The following PCDHGA4 variants were observed in gnomAD, a reference collection of about 807,000 sequenced individuals.
PCDHGA4 encodes the protein protocadherin gamma subfamily A, 4.
A neutral mutation model predicts 54.6 loss-of-function variants in PCDHGA4; 38 were observed. The ratio of observed to expected loss-of-function variants is 0.70; its 90% CI spans 0.54 to 0.91. PCDHGA4 has a LOEUF of 0.91. Among genes scored for constraint, PCDHGA4 ranks in the 40% least tolerant of loss-of-function variants. The pLI is 0.00. For synonymous variants in PCDHGA4, 511 were observed against 512.9 expected, an observed-to-expected ratio of 1.00 and a Z score of 0.05; for missense variants, 1,298 against 1,220.9, an observed-to-expected ratio of 1.06 and a Z score of -0.94.
chr5:141,407,200 G>A (rs1054595818), intron 1 of PCDHGA4, among the ~76,000 whole-genome samples: 2 of 152,228 alleles, frequency 1.3e-5, no homozygotes, highest in East Asian at 1.9e-4. Context: ...TTTCAAACAC[G>A]TTTTCCCCCT....
intron 1 of PCDHGA4, chr5:141,366,644 C>T (rs759831298): frequency 1.2e-6 from 2 of 1,614,268 alleles, no homozygotes; most frequent in East Asian, 2.2e-5. Flanking sequence ...GATCTTTCCC[C>T]AGCCCAACTA....
intron 1 of PCDHGA4, chr5:141,428,335 T>G (rs535486665): frequency 3.3e-6 from 2 of 615,106 alleles, no homozygotes; most frequent in East Asian, 5.9e-5. Context: ...TTCTATGCTC[T>G]TCTTCCTCGC....
At chr5:141,394,306 G>T in intron 1 of PCDHGA4, 1 of 1,613,958 alleles carries the variant, frequency 6.2e-7, no homozygotes, top group Non-Finnish European at 8.5e-7. Context: ...ACGCTGCAGG[G>T]GGCGCCCCTG....
At chr5:141,427,228 T>C (rs2097002884) in intron 1 of PCDHGA4, 1 of 456,550 alleles carries the variant, frequency 2.2e-6, no homozygotes, top group South Asian at 1.5e-5. Context: ...AGTTATACCA[T>C]GAGAGTAGAA....
chr5:141,374,504 A>G (rs370470847), intron 1 of PCDHGA4: 1 of 1,611,510 alleles, frequency 6.2e-7, no homozygotes, highest in African/African-American at 1.3e-5. Context: ...ATTGGAAGTG[A>G]AAATTCTCGA....
intron 1 of PCDHGA4, among the ~76,000 whole-genome samples, chr5:141,369,773 T>G: frequency 6.6e-6 from 1 of 152,236 alleles, no homozygotes; most frequent in African/African-American, 2.4e-5. Flanking sequence ...AGCTGATATT[T>G]CAAGCCTCTT....
chr5:141,431,973 TC>T lies in PCDHGA4; in HGVS notation c.2515-62833del, dbSNP rs770294598. 13 of 1,614,100 alleles carry T rather than the reference TC, an allele frequency of 8.1e-6. No individual in the cohort carries two copies. The highest frequency in any genetic ancestry group is 1.0e-5 in the Non-Finnish European group (12 of 1,180,038). On this transcript the variant is annotated intron_variant, in intron 1 of 3. Transcript: ENST00000571252. This position sits in a 1 kb window ranked among gnomAD's most constrained non-coding sequence, Gnocchi z 4.8. ...TCTTACGGAAATTACTATAGTTTAG[TC>T]ACAGACATAGTCTTGGATAGGGAAC...
chr5:141,505,625 C>T, intron 3 of PCDHGA4, 144 bp downstream of exon 3: 1 of 1,489,114 alleles, frequency 6.7e-7, no homozygotes, highest in Non-Finnish European at 9.0e-7. Context: ...CCCACAATTC[C>T]AAACATAAAG....
Position 141,395,354 on chromosome 5 carries a change from T to A in PCDHGA4, c.2514+37733T>A, listed in dbSNP as rs375237289. ...ATAATTTTTAAGGTGTATCACAGAG[T>A]TTTGGGTTTATTTTGGTGGTGTTAC... On this transcript the variant is annotated intron_variant, in intron 1 of 3. Coordinates refer to ENST00000571252, the MANE Select transcript of PCDHGA4 (RefSeq NM_018917.4). 28 of 1,357,052 alleles carry A rather than the reference T, an allele frequency of 2.1e-5. No homozygotes were observed. The Middle Eastern group carries it at 1.0e-3, about 51-fold the overall frequency. 84.1% of individuals were successfully genotyped at this position (1,357,052 alleles called of 1,614,324 possible).
intron 1 of PCDHGA4, chr5:141,393,145 A>G (rs2092690678): frequency 6.2e-7 from 1 of 1,613,324 alleles, no homozygotes; most frequent in Non-Finnish European, 8.5e-7. Context: ...ACCCTGGTTG[A>G]GGATAAAGGA....
chr5:141,381,826 C>CTTCTTTTTTTTTTTTTT (rs1777532522), intron 1 of PCDHGA4, among the ~76,000 whole-genome samples: 2 of 74,284 alleles, frequency 2.7e-5, no homozygotes, highest in African/African-American at 1.2e-4. Flanking sequence ...CTTTCTTCTT[C>CTTCTTTTTTTTTTTTTT]TTTTTTTTTT....
In PCDHGA4 at chr5:141,510,989, C is replaced by A. The variant is rs2099883548; in HGVS notation, c.2705C>A (p.Thr902Asn). The A allele has an allele frequency of 1.2e-6, 2 of 1,614,198 alleles. No homozygotes were observed. The highest frequency in any genetic ancestry group is 1.7e-6 in the Non-Finnish European group (2 of 1,180,022). ...TCCACCCTGGGAGGGGGTGCCGGCA[C>A]CATGGGATTGAGCGCCCGCTACGGA... is the stretch of plus-strand genomic sequence containing the variant. ...GSSTLGGGAG[T>N]MGLSARYGPQ... Residue 902 changes from threonine to asparagine, a missense_variant, in exon 4 of 4, where the codon ACC becomes AAC. Thr to Asn is a moderately conservative substitution (Grantham distance 65, BLOSUM62 0). Transcript: ENST00000571252.
chr5:141,491,500 G>A lies in PCDHGA4; in HGVS notation c.2515-3307G>A. ...CAGCCCCAACCTGCAGGTGAGCTCG[G>A]ACGGCACGCTCAAGTACATGGAGGT... On this transcript the variant is annotated intron_variant, in intron 1 of 3. Transcript: ENST00000571252. The surrounding 1 kb of genome is among the most constrained non-coding windows in gnomAD (Gnocchi z 6.9). 3 of 1,614,102 alleles carry A rather than the reference G, an allele frequency of 1.9e-6. No homozygotes were observed. The highest frequency in any genetic ancestry group is 2.7e-5 in the African/African-American group (2 of 75,066).
chr5:141,481,261 C>T lies in PCDHGA4; in HGVS notation c.2515-13546C>T, dbSNP rs2099534823. ...TACATAGCATAGCTCTAAAAGATCA[C>T]TGTAGGAAGACATAAAATGGTATTT... On this transcript the variant is annotated intron_variant, in intron 1 of 3. Coordinates refer to ENST00000571252, the MANE Select transcript of PCDHGA4 (RefSeq NM_018917.4). Among the ~76,000 whole-genome samples, 3 of 152,252 alleles carry T rather than the reference C, an allele frequency of 2.0e-5. No individual in the cohort carries two copies. The East Asian group carries it at 5.8e-4, about 29-fold the overall frequency.
chr5:141,389,597 G>A (rs372987681), intron 1 of PCDHGA4: 95 of 1,613,008 alleles, frequency 5.9e-5, no homozygotes, highest in Non-Finnish European at 7.5e-5. Context: ...ACGGCTCTGC[G>A]CTCTTCGATA....
chr5:141,373,718 CA>C, intron 1 of PCDHGA4, among the ~76,000 whole-genome samples: 1 of 152,310 alleles, frequency 6.6e-6, no homozygotes, highest in East Asian at 1.9e-4. Context: ...TAATCTCTTA[CA>C]CTCTTCTAAA....
chr5:141,433,993 T>C (rs1367687577), intron 1 of PCDHGA4, among the ~76,000 whole-genome samples: 1 of 152,216 alleles, frequency 6.6e-6, no homozygotes, highest in Admixed American at 6.5e-5. Flanking sequence ...GAGTTTTATA[T>C]TCTCTATATA....
intron 1 of PCDHGA4, among the ~76,000 whole-genome samples, chr5:141,462,105 G>A (rs2099031983): frequency 6.6e-6 from 1 of 152,170 alleles, no homozygotes; most frequent in South Asian, 2.1e-4. Flanking sequence ...TTACAGGCAT[G>A]AGCCACTGCA....
At chr5:141,403,949 G>C (rs1167033357) in intron 1 of PCDHGA4, 2 of 1,613,886 alleles carry the variant, frequency 1.2e-6, no homozygotes, top group Non-Finnish European at 1.7e-6. Flanking sequence ...GTGGACAAAA[G>C]TGCTCATTTC....
Sources: gnomAD v4.1 joint callset for allele counts (sites outside exome capture counted in the v4.1 genomes callset) on GRCh38, gnomAD v4.1.1 for gene constraint, Gnocchi (gnomAD v3.1) non-coding constraint, MANE v1.5 for transcripts, NCBI Gene and HGNC (gene_info 2026-07-23, HGNC 2026-07-21) for gene names.